The following TCF7L2 variants were observed in gnomAD, a reference collection of about 807,000 sequenced individuals.
TCF7L2 encodes the protein transcription factor 7-like 2.
TCF7L2 carries 23 observed loss-of-function variants against 77.9 expected under a neutral mutation model. That is an observed-to-expected ratio of 0.30 (90% confidence interval 0.21 to 0.42). The LOEUF (loss-of-function observed/expected upper bound fraction) is 0.42, where lower values mean the gene tolerates loss of function less well. TCF7L2 is among the 10% of genes least tolerant of loss of function. TCF7L2 has a pLI of 1.00. For missense variants in TCF7L2, 654 were observed against 793.1 expected (o/e 0.82, Z 2.11); for synonymous variants, 413 against 340.2 (o/e 1.21, Z -2.36).
At chr10:113,141,151 T>A (rs2068308608) in intron 5 of TCF7L2, 33 bp from the exon 6 acceptor site, 1 of 1,611,656 alleles carries the variant, frequency 6.2e-7, no homozygotes, top group Non-Finnish European at 8.5e-7. Flanking sequence ...GGAACCGGCT[T>A]GACGGTGTCT....
intron 5 of TCF7L2, among the ~76,000 whole-genome samples, chr10:113,106,708 C>T (rs951236827): frequency 2.6e-5 from 4 of 152,080 alleles, no homozygotes; most frequent in Non-Finnish European, 4.4e-5. Flanking sequence ...TGTGCTTTAG[C>T]GATACATAGA....
chr10:112,998,020 A>G (rs150418121), intron 4 of TCF7L2, among the ~76,000 whole-genome samples: 2 of 152,168 alleles, frequency 1.3e-5, no homozygotes, highest in East Asian at 3.9e-4. Flanking sequence ...GTGGGGGTAT[A>G]TGGTATCCCT....
chr10:112,996,267 G>C (rs1475873359), intron 4 of TCF7L2, among the ~76,000 whole-genome samples: 2 of 152,142 alleles, frequency 1.3e-5, no homozygotes, highest in African/African-American at 4.8e-5. Flanking sequence ...TCTCGGATAT[G>C]GCGACCGAAG....
chr10:113,040,264 G>A, intron 5 of TCF7L2, 138 bp downstream of exon 5: 3 of 733,902 alleles, frequency 4.1e-6, no homozygotes, highest in Non-Finnish European at 6.6e-6. Context: ...GTTGGGTATA[G>A]TTTATATCTA....
chr10:113,100,280 GA>G (rs1304985858), intron 5 of TCF7L2, among the ~76,000 whole-genome samples: 1 of 152,210 alleles, frequency 6.6e-6, no homozygotes, highest in Admixed American at 6.5e-5. Context: ...CATCCCCACT[GA>G]AATGATAGGG....
At chr10:113,045,940 A>G (rs1032031197) in intron 5 of TCF7L2, among the ~76,000 whole-genome samples, 1 of 152,114 alleles carries the variant, frequency 6.6e-6, no homozygotes, top group Non-Finnish European at 1.5e-5. Context: ...CACTACCAAA[A>G]CATTATTTTA....
chr10:112,988,255 G>C (rs2041926486), intron 4 of TCF7L2, among the ~76,000 whole-genome samples: 1 of 151,890 alleles, frequency 6.6e-6, no homozygotes, highest in African/African-American at 2.4e-5. Context: ...CTGCCACCAG[G>C]CTGGGCTGAT....
At chr10:113,041,197 CTT>C (rs2052382907) in intron 5 of TCF7L2, among the ~76,000 whole-genome samples, 1 of 152,136 alleles carries the variant, frequency 6.6e-6, no homozygotes, top group African/African-American at 2.4e-5. Flanking sequence ...CACAAAATAA[CTT>C]ATTTTTATAA....
chr10:113,120,697 A>G (rs2064633583), intron 5 of TCF7L2, among the ~76,000 whole-genome samples: 1 of 152,172 alleles, frequency 6.6e-6, no homozygotes, highest in Non-Finnish European at 1.5e-5. Flanking sequence ...GAAAATTTAC[A>G]ACAAACTAAC....
chr10:113,160,027 TGCA>T (rs1461278643), intron 12 of TCF7L2, 35 bp downstream of exon 14: 1 of 1,594,918 alleles, frequency 6.3e-7, no homozygotes, highest in Non-Finnish European at 8.6e-7. Flanking sequence ...TGTGCTGGTT[TGCA>T]GCTGGTCTAT....
chr10:113,107,263 G>GGGTGGC (rs2062450642), intron 5 of TCF7L2, among the ~76,000 whole-genome samples: 1 of 152,162 alleles, frequency 6.6e-6, no homozygotes. Flanking sequence ...CTGGGTGGGT[G>GGGTGGC]GGTGGCTCTC....
chr10:113,075,140 G>A (rs1344684435), intron 5 of TCF7L2, among the ~76,000 whole-genome samples: 3 of 152,052 alleles, frequency 2.0e-5, no homozygotes, highest in South Asian at 2.1e-4. Context: ...ACAGGTATAA[G>A]CCACAGTGCC....
At chr10:113,153,995 G>T (rs1484294749) in intron 11 of TCF7L2, among the ~76,000 whole-genome samples, 1 of 152,232 alleles carries the variant, frequency 6.6e-6, no homozygotes, top group Non-Finnish European at 1.5e-5. Flanking sequence ...GCTAGACTGT[G>T]CTCCTCCTGG....
chr10:113,149,497 T>G (rs1239762103), intron 8 of TCF7L2, among the ~76,000 whole-genome samples: 1 of 152,276 alleles, frequency 6.6e-6, no homozygotes, highest in African/African-American at 2.4e-5. Context: ...GCATTAACTT[T>G]CCTTCCTCTG....
chr10:113,095,919 G>A (rs145658750), intron 5 of TCF7L2, among the ~76,000 whole-genome samples: 9 of 152,260 alleles, frequency 5.9e-5, no homozygotes, highest in Non-Finnish European at 7.3e-5. Flanking sequence ...TTCGTCGTGA[G>A]TCACGTATTT....
intron 4 of TCF7L2, among the ~76,000 whole-genome samples, chr10:113,021,825 A>G (rs1257362244): frequency 1.3e-5 from 2 of 152,212 alleles, no homozygotes; most frequent in African/African-American, 2.4e-5. Context: ...GAACATGGCC[A>G]GTGCAGGAGG....
intron 5 of TCF7L2, among the ~76,000 whole-genome samples, chr10:113,119,564 T>C (rs1410129230): frequency 6.6e-6 from 1 of 152,122 alleles, no homozygotes; most frequent in Non-Finnish European, 1.5e-5. Context: ...AGATCAGTCC[T>C]TGAACATAAC....
At position 113,067,602 on chromosome 10, in the gene TCF7L2, G is replaced by A. The variant is rs147704767; in HGVS notation, c.552+27476G>A. ...AGTGCTAGGCTTTTGATATAATTAC[G>A]TTTAGATTTCAAGGAAACTTTCAGT... On this transcript the variant is annotated intron_variant, in intron 5 of 13. Transcript: ENST00000627217. Among the ~76,000 whole-genome samples the A allele has an allele frequency of 1.6e-3, 251 of 152,232 alleles. 2 individuals carry two copies. In the East Asian group the frequency reaches 0.024, roughly 15 times the overall value.
intron 13 of TCF7L2, chr10:113,160,753 C>T (rs17130196): frequency 2.1e-6 from 3 of 1,460,234 alleles, no homozygotes; most frequent in Non-Finnish European, 1.9e-6. Context: ...GGTACCTTAG[C>T]GTGATAATTT....
Sources: gnomAD v4.1 joint callset for allele counts (sites outside exome capture counted in the v4.1 genomes callset) on GRCh38, gnomAD v4.1.1 for gene constraint, MANE v1.5 for transcripts, NCBI Gene and HGNC (gene_info 2026-07-23, HGNC 2026-07-21) for gene names.